Variants in TRPM3 observed in about 807,000 individuals in gnomAD.
TRPM3 encodes the protein transient receptor potential cation channel subfamily M member 3, also known as long transient receptor potential channel 3.
Under a neutral mutation model 181.2 loss-of-function variants are expected in TRPM3, and 77 were observed. The ratio of observed to expected loss-of-function variants is 0.42; its 90% CI spans 0.35 to 0.51. TRPM3 has a LOEUF of 0.51. Among genes scored for constraint, TRPM3 ranks in the 20% least tolerant of loss-of-function variants. The probability of loss-of-function intolerance (pLI) is 0.01; values close to 1 mark genes in which losing one functional copy is unlikely to be tolerated. For synonymous variants in TRPM3, 745 were observed against 796.4 expected (o/e 0.94, Z 1.09); for missense variants, 1,759 against 2,196.7 (o/e 0.80, Z 3.98).
chr9:71,171,336 C>T (rs925926589), intron 1 of TRPM3, among the ~76,000 whole-genome samples: 6 of 152,260 alleles, frequency 3.9e-5, no homozygotes, highest in South Asian at 2.1e-4. Flanking sequence ...CACACCTATT[C>T]GCACACTCCC....
At chr9:71,199,158 T>G (rs11524686) in intron 1 of TRPM3, among the ~76,000 whole-genome samples, 37,857 of 150,836 alleles carry the variant, frequency 0.25, 5,578 homozygotes, top group African/African-American at 0.4. Flanking sequence ...TGGTTCTGTT[T>G]ATATGCTGGA....
rs149071426 is a variant in TRPM3 at position 71,163,805 on chromosome 9, C to T, written c.183+282848G>A. 1.8e-4 allele frequency among the ~76,000 whole-genome samples: 28 copies of T among 152,124 alleles called. No homozygotes were observed. The East Asian group carries it at 5.4e-3, about 29-fold the overall frequency. ...AAAGGTGACAGAAATAGCAGAAAGG[C>T]CACAGATCCTGGAAAGAGGGATTCT... On this transcript the variant is annotated intron_variant, in intron 1 of 24. Coordinates refer to the TRPM3 transcript ENST00000357533.
chr9:71,176,825 C>T (rs373828628), intron 1 of TRPM3, among the ~76,000 whole-genome samples: 80 of 152,162 alleles, frequency 5.3e-4, no homozygotes, highest in African/African-American at 1.7e-3. Context: ...AATATTTAAC[C>T]GTTGTGTTAC....
intron 1 of TRPM3, among the ~76,000 whole-genome samples, chr9:71,250,225 G>C (rs1370903349): frequency 6.6e-6 from 1 of 152,068 alleles, no homozygotes; most frequent in Non-Finnish European, 1.5e-5. Flanking sequence ...ATTTACAACT[G>C]TATTTAACTT....
chr9:71,413,738 T>C (rs1485289437), intron 1 of TRPM3, among the ~76,000 whole-genome samples: 3 of 152,086 alleles, frequency 2.0e-5, no homozygotes, highest in Non-Finnish European at 4.4e-5. Flanking sequence ...TGGCACTCTT[T>C]CCTTCCAGAA....
intron 12 of TRPM3, among the ~76,000 whole-genome samples, chr9:70,628,943 G>T (rs1398903955): frequency 6.6e-6 from 1 of 151,218 alleles, no homozygotes; most frequent in East Asian, 2.0e-4. Flanking sequence ...CACCAATATT[G>T]CTTGAAGACC....
In TRPM3 at chr9:70,603,387, G is replaced by A. The variant is rs749979365; in HGVS notation, c.2751C>T (p.Ile917=). 9 of 1,613,948 alleles carry A rather than the reference G, an allele frequency of 5.6e-6. No homozygotes were observed. Among genetic ancestry groups the A allele is most frequent in the Non-Finnish European group, 7.6e-6 (9 of 1,179,924 alleles). Residue 917 remains isoleucine, a synonymous_variant, in exon 20 of 26, where the codon ATC becomes ATT. Coordinates refer to ENST00000677713, the MANE Select transcript of TRPM3 (RefSeq NM_001366145.2). ...CCAGGGTGAAAATATAGGAGATTAC[G>A]ATCCATTCCTGGGTGGACGGCCAGC... is the stretch of plus-strand genomic sequence containing the variant. The part of the protein sequence containing the change: ...MERWPSTQEW[I]VISYIFTLGI...
At chr9:70,804,398 A>C (rs1158050534) in intron 6 of TRPM3, among the ~76,000 whole-genome samples, 1 of 152,334 alleles carries the variant, frequency 6.6e-6, no homozygotes, top group South Asian at 2.1e-4. Flanking sequence ...ATGTAAGTAG[A>C]CTTATAAACC....
chr9:71,298,032 C>A (rs1203136388), intron 1 of TRPM3, among the ~76,000 whole-genome samples: 2 of 151,842 alleles, frequency 1.3e-5, no homozygotes, highest in African/African-American at 4.8e-5. Flanking sequence ...TTTAGAGGTA[C>A]TCTAGTCTAA....
chr9:71,220,071 A>C (rs1455667686), intron 1 of TRPM3, among the ~76,000 whole-genome samples: 1 of 152,132 alleles, frequency 6.6e-6, no homozygotes, highest in African/African-American at 2.4e-5. Context: ...TTCATTGTTT[A>C]TTGTATCTAT....
chr9:71,070,648 T>A (rs2062637984), intron 1 of TRPM3, among the ~76,000 whole-genome samples: 1 of 152,246 alleles, frequency 6.6e-6, no homozygotes, highest in Non-Finnish European at 1.5e-5. Flanking sequence ...TTCACTTTTT[T>A]TAAAAATGAT....
chr9:71,393,043 A>G (rs1023257293), intron 1 of TRPM3, among the ~76,000 whole-genome samples: 1 of 152,180 alleles, frequency 6.6e-6, no homozygotes, highest in East Asian at 1.9e-4. Flanking sequence ...TTTGTTTTCT[A>G]GGAAGGACTG....
intron 8 of TRPM3, among the ~76,000 whole-genome samples, chr9:70,683,538 A>AT (rs1354366952): frequency 7.0e-6 from 1 of 142,730 alleles, no homozygotes; most frequent in Non-Finnish European, 1.5e-5. Context: ...GGGATTACAG[A>AT]TGTGAGCCAC....
rs111235663 is a variant in TRPM3 at position 71,282,046 on chromosome 9, G to A, written c.183+164607C>T. Among the ~76,000 whole-genome samples the A allele has an allele frequency of 1.8e-3, 242 of 137,030 alleles. 2 individuals are homozygous for A. The highest frequency in any genetic ancestry group is 0.012 in the East Asian group (54 of 4,326). 89.9% of individuals were successfully genotyped at this position (137,030 alleles called of 152,430 possible). ...ATTGCTCTCCAGCCTGGGCAACAAG[G>A]GCAAAACAGAAAGAGAGAAAGAAAG... On this transcript the variant is annotated intron_variant, in intron 1 of 24. Transcript: ENST00000357533.
intron 3 of TRPM3, among the ~76,000 whole-genome samples, chr9:70,858,324 C>T (rs2095438329): frequency 6.6e-6 from 1 of 152,104 alleles, no homozygotes; most frequent in Non-Finnish European, 1.5e-5. Flanking sequence ...CAAAGATTGG[C>T]ACTCTTTAAC....
chr9:70,887,954 A>G (rs2096119959), intron 1 of TRPM3, among the ~76,000 whole-genome samples: 1 of 152,218 alleles, frequency 6.6e-6, no homozygotes, highest in African/African-American at 2.4e-5. Context: ...TAATTGGTCA[A>G]CTGGACCAGA....
intron 22 of TRPM3, among the ~76,000 whole-genome samples, chr9:70,588,219 C>A (rs2057484152): frequency 6.6e-6 from 1 of 152,050 alleles, no homozygotes; most frequent in Non-Finnish European, 1.5e-5. Context: ...CTTTATTGAT[C>A]TTATCGATCT....
At chr9:70,659,876 C>T (rs1288659632) in intron 9 of TRPM3, among the ~76,000 whole-genome samples, 1 of 152,176 alleles carries the variant, frequency 6.6e-6, no homozygotes, top group Non-Finnish European at 1.5e-5. Context: ...AACCTATTTA[C>T]ATACATAAGC....
chr9:70,862,926 G>T lies in TRPM3; in HGVS notation c.444C>A (p.Gly148=), dbSNP rs145250735. 72 of 1,613,376 alleles carry T rather than the reference G, an allele frequency of 4.5e-5. No individual in the cohort carries two copies. In the African/African-American group the frequency reaches 8.1e-4, roughly 18 times the overall value. ...AFGTIEFQGG[G]HSNKAMYVRV... is the part of the protein sequence containing the mutation. Reference sequence around the variant, plus strand: ...TGATTACCATGGCTTTGTTGGAATGGCCACCTCCTTGGAACTCAATGGTCC... The same window carrying T: ...TGATTACCATGGCTTTGTTGGAATGTCCACCTCCTTGGAACTCAATGGTCC... Residue 148 remains glycine, a synonymous_variant, in exon 3 of 26, where the codon GGC becomes GGA. Transcript: ENST00000677713.
Sources: gnomAD v4.1 joint callset for allele counts (sites outside exome capture counted in the v4.1 genomes callset) on GRCh38, gnomAD v4.1.1 for gene constraint, MANE v1.5 for transcripts, NCBI Gene and HGNC (gene_info 2026-07-23, HGNC 2026-07-21) for gene names.